Variants in FASTKD2 observed in about 807,000 individuals in gnomAD.
The protein encoded by FASTKD2 is FAST kinase domain-containing protein 2, mitochondrial.
FASTKD2 carries 51 observed loss-of-function variants against 63.6 expected under a neutral mutation model. The ratio of observed to expected loss-of-function variants is 0.80; its 90% CI spans 0.64 to 1.01. The LOEUF (loss-of-function observed/expected upper bound fraction) is 1.01. Ranked by LOEUF, FASTKD2 falls within the 50% of genes least tolerant of loss-of-function variation. The pLI, the probability that FASTKD2 is intolerant of heterozygous loss-of-function variation, is 0.00. For missense variants in FASTKD2, 786 were observed against 831.1 expected, an observed-to-expected ratio of 0.95 and a Z score of 0.67; for synonymous variants, 284 against 293.4, an observed-to-expected ratio of 0.97 and a Z score of 0.33.
chr2:206,770,142 T>A lies in FASTKD2; in HGVS notation c.829T>A (p.Leu277Ile). 6.2e-7 allele frequency: 1 copy of A among 1,612,580 alleles called. No individual in the cohort carries two copies. The highest frequency in any genetic ancestry group is 8.5e-7 in the Non-Finnish European group (1 of 1,178,570). ...EICLSVLSTVLEAMEPCKNVH... is the reference protein window; with the variant it reads ...EICLSVLSTVIEAMEPCKNVH... ...ATGCCTTTCAGTTTTGTCAACTGTTTTAGAGGCAATGGAACCATGCAAGAA... is the reference window on the plus strand; with the variant it reads ...ATGCCTTTCAGTTTTGTCAACTGTTATAGAGGCAATGGAACCATGCAAGAA... Residue 277 changes from leucine (L) to isoleucine (I), a missense_variant, in exon 3 of 12, where the codon TTA (leucine) becomes ATA (isoleucine). Physicochemically the swap from Leu to Ile is conservative, Grantham distance 5. Coordinates refer to ENST00000402774, the MANE Select transcript of FASTKD2 (RefSeq NM_001136193.2).
intron 7 of FASTKD2, among the ~76,000 whole-genome samples, chr2:206,781,784 A>G (rs1032977613): frequency 6.7e-6 from 1 of 149,838 alleles, no homozygotes; most frequent in Non-Finnish European, 1.5e-5. Context: ...CCTTCGCTGT[A>G]GAGAAGCCTT....
intron 11 of FASTKD2, 61 bp downstream of exon 11, chr2:206,790,747 A>G: frequency 9.8e-7 from 1 of 1,017,348 alleles, no homozygotes. Context: ...AACAGCTGCC[A>G]GGAATCTTGT....
chr2:206,767,654 T>C (rs1689562962), intron 2 of FASTKD2, among the ~76,000 whole-genome samples, 184 bp downstream of exon 2: 1 of 152,122 alleles, frequency 6.6e-6, no homozygotes, highest in Non-Finnish European at 1.5e-5. Flanking sequence ...TTTCTTCCTT[T>C]TGCTATGGAA....
chr2:206,794,360 T>A lies in FASTKD2; in HGVS notation c.*2558T>A, dbSNP rs892326529. 2.6e-5 allele frequency among the ~76,000 whole-genome samples: 4 copies of A among 152,228 alleles called. No homozygotes were observed. In the South Asian group the frequency reaches 8.3e-4, roughly 31 times the overall value. On this transcript the variant is annotated 3_prime_UTR_variant, in exon 12 of 12. Transcript: ENST00000402774. Reference sequence around the variant, plus strand: ...GCTCTAGATACAAGATATAAAATTGTATTCTTGAAATAGCTACATGCAATT... The same window carrying A: ...GCTCTAGATACAAGATATAAAATTGAATTCTTGAAATAGCTACATGCAATT...
intron 10 of FASTKD2, chr2:206,790,027 G>C (rs1400231342): frequency 6.6e-6 from 1 of 152,516 alleles, no homozygotes; most frequent in African/African-American, 2.4e-5. Context: ...AAAGTGCCAG[G>C]AACAATGAAA....
At chr2:206,788,457 G>C (rs979857981) in intron 9 of FASTKD2, among the ~76,000 whole-genome samples, 2 of 152,026 alleles carry the variant, frequency 1.3e-5, no homozygotes, top group Non-Finnish European at 2.9e-5. Flanking sequence ...CTTGGGGCTG[G>C]TCACGGTGGC....
chr2:206,781,419 G>A (rs963157661), intron 7 of FASTKD2, among the ~76,000 whole-genome samples: 8 of 146,028 alleles, frequency 5.5e-5, no homozygotes, highest in Admixed American at 3.6e-4. Context: ...AGGTTCAAGC[G>A]ATTCTCCTGT....
chr2:206,770,293 G>T, intron 3 of FASTKD2, 99 bp downstream of exon 3: 2 of 817,130 alleles, frequency 2.4e-6, no homozygotes, highest in South Asian at 1.4e-5. Flanking sequence ...TTCTTGAGGG[G>T]AGGAGGGGTT....
In FASTKD2 at chr2:206,788,055, G is replaced by A. The variant is rs762505449; in HGVS notation, c.1713G>A (p.Ser571=). 37 of 1,613,648 alleles carry A rather than the reference G, an allele frequency of 2.3e-5. No homozygotes were observed. Among genetic ancestry groups the A allele is most frequent in the African/African-American group, 9.3e-5 (7 of 74,872 alleles). Residue 571 remains serine (S), a synonymous_variant, in exon 9 of 12, where the codon TCG becomes TCA. Transcript: ENST00000402774. ...SLPQLPRELP[S]SHTNAKVAEV... ...CACAGCTGCCGCGGGAGCTGCCATC[G>A]TCACATACAAATGCAAAGGTGGCAG...
chr2:206,777,492 T>C (rs1021107310), intron 7 of FASTKD2, among the ~76,000 whole-genome samples: 1 of 152,166 alleles, frequency 6.6e-6, no homozygotes, highest in African/African-American at 2.4e-5. Flanking sequence ...TTGCATATAC[T>C]GAACCGTCTT....
In FASTKD2 at chr2:206,792,037, A is replaced by T; in HGVS notation, c.*235A>T. ...CACACCTATTCCCTCTAGTGCCCAG[A>T]TATTTGATTTGTGAGCTGTACGTTT... is the stretch of plus-strand genomic sequence containing the variant. On this transcript the variant is annotated 3_prime_UTR_variant, in exon 12 of 12. Coordinates refer to ENST00000402774, the MANE Select transcript of FASTKD2 (RefSeq NM_001136193.2). 3 of 512,034 alleles carry T rather than the reference A, an allele frequency of 5.9e-6. No homozygotes were observed. In the South Asian group the frequency reaches 6.3e-5, roughly 11 times the overall value. 31.7% of individuals were successfully genotyped at this position (512,034 alleles called of 1,614,324 possible).
chr2:206,767,327 G>A lies in FASTKD2; in HGVS notation c.634G>A (p.Ala212Thr). 6.2e-7 allele frequency: 1 copy of A among 1,614,134 alleles called. No individual in the cohort carries two copies. Among genetic ancestry groups the A allele is most frequent in the Admixed American group, 1.7e-5 (1 of 60,030 alleles). Residue 212 changes from alanine (A) to threonine (T), a missense_variant, in exon 2 of 12, where the codon GCA becomes ACA. Transcript: ENST00000402774. ...FEKRLMFSHPAFNQLCEHMMR... is the reference protein window; with the variant it reads ...FEKRLMFSHPTFNQLCEHMMR... ...AAAACGACTGATGTTTAGCCACCCT[G>A]CATTTAATCAGCTCTGTGAACATAT...
intron 7 of FASTKD2, among the ~76,000 whole-genome samples, chr2:206,782,329 C>T (rs1010071948): frequency 7.2e-5 from 11 of 152,104 alleles, no homozygotes; most frequent in South Asian, 2.1e-4. Flanking sequence ...GTCTGGAGTA[C>T]GACAATATCT....
At position 206,770,118 on chromosome 2, in the gene FASTKD2, T is replaced by C. The variant is rs765812078; in HGVS notation, c.805T>C (p.Cys269Arg). The change falls in exon 3 of 12, where the codon TGC becomes CGC. Residue 269 changes from cysteine to arginine, a missense_variant. Physicochemically the swap from Cys to Arg is radical, Grantham distance 180. Coordinates refer to ENST00000402774, the MANE Select transcript of FASTKD2 (RefSeq NM_001136193.2). ...ACGTATCAATGAGTGTGATGAGATA[T>C]GCCTTTCAGTTTTGTCAACTGTTTT... is the stretch of plus-strand genomic sequence containing the variant. ...QERINECDEI[C>R]LSVLSTVLEA... The C allele has an allele frequency of 1.1e-5, 17 of 1,608,802 alleles. No individual in the cohort carries two copies. Among genetic ancestry groups the C allele is most frequent in the Admixed American group, 1.7e-5 (1 of 60,002 alleles).
Position 206,766,259 on chromosome 2 carries a change from C to CAA in FASTKD2, c.-50-360_-50-359dup, listed in dbSNP as rs60933510. Among the ~76,000 whole-genome samples, 430 of 55,944 alleles carry CAA rather than the reference C, an allele frequency of 7.7e-3. 23 individuals carry two copies. The highest frequency in any genetic ancestry group is 0.014 in the African/African-American group (214 of 14,798). The allele number at this position is 55,944 out of a possible 152,430, so 36.7% of individuals were successfully genotyped here. A position where few individuals can be genotyped will look rare whatever the true frequency, so the allele number is the denominator to read the frequency against. ...TGGGGGACATAGCAAGACTTTGTCT[C>CAA]AAAAAAAAAAAAAAAAAAAAAAAAA... is the stretch of plus-strand genomic sequence containing the variant. On this transcript the variant is annotated intron_variant, in intron 1 of 11. Transcript: ENST00000402774.
intron 7 of FASTKD2, among the ~76,000 whole-genome samples, chr2:206,775,777 C>G (rs2105976958): frequency 6.6e-6 from 1 of 151,842 alleles, no homozygotes; most frequent in East Asian, 1.9e-4. Context: ...GGTAGTAGTT[C>G]TACTTTTACA....
In FASTKD2 at chr2:206,795,355, T is replaced by G. The variant is rs1204990304; in HGVS notation, c.*3553T>G. On this transcript the variant is annotated 3_prime_UTR_variant, in exon 12 of 12. Coordinates refer to ENST00000402774, the MANE Select transcript of FASTKD2 (RefSeq NM_001136193.2). Reference sequence around the variant, plus strand: ...TTCAAGCCATTCTCCTGCCTCAGCCTCCCGAGTAGCTGGGACTACAGGTGC... The same window carrying G: ...TTCAAGCCATTCTCCTGCCTCAGCCGCCCGAGTAGCTGGGACTACAGGTGC... 6.6e-6 allele frequency among the ~76,000 whole-genome samples: 1 copy of G among 152,154 alleles called. No homozygotes were observed. The highest frequency in any genetic ancestry group is 1.5e-5 in the Non-Finnish European group (1 of 68,010).
At chr2:206,791,631 C>A in intron 11 of FASTKD2, 52 bp from the exon 12 acceptor site, 2 of 1,578,372 alleles carry the variant, frequency 1.3e-6, no homozygotes, top group South Asian at 2.2e-5. Context: ...TAAACTAGCT[C>A]TTTTGTTAGT....
rs1048783 is a variant in FASTKD2 at position 206,792,429 on chromosome 2, T to C, written c.*627T>C. On this transcript the variant is annotated 3_prime_UTR_variant, in exon 12 of 12. Coordinates refer to ENST00000402774, the MANE Select transcript of FASTKD2 (RefSeq NM_001136193.2). ...CTGTTGTTGGGGTCCTTCCTTTCTC[T>C]TTCTTTTTTCCCCCTTACCCCTCCC... 47,718 of 152,268 alleles carry C rather than the reference T, an allele frequency of 0.31. 8,612 individuals are homozygous for C. Among genetic ancestry groups the C allele is most frequent in the East Asian group, 0.75 (3,857 of 5,146 alleles). 9.4% of individuals were successfully genotyped at this position (152,268 alleles called of 1,614,324 possible).
Sources: allele counts gnomAD v4.1 joint callset (sites outside exome capture counted in the v4.1 genomes callset), GRCh38; gene constraint gnomAD v4.1.1; transcripts MANE v1.5; gene names NCBI Gene and HGNC (gene_info 2026-07-23, HGNC 2026-07-21).